The following CACNB4 variants were observed in gnomAD, a reference collection of about 807,000 sequenced individuals.
The protein encoded by CACNB4 is calcium voltage-gated channel auxiliary subunit beta 4.
A neutral mutation model predicts 71.2 loss-of-function variants in CACNB4; 32 were observed. The ratio of observed to expected loss-of-function variants is 0.45; its 90% CI spans 0.34 to 0.60. The LOEUF (loss-of-function observed/expected upper bound fraction) is 0.60. CACNB4 is among the 20% of genes least tolerant of loss of function. CACNB4 has a pLI of 0.01. For missense variants in CACNB4, 464 were observed against 647.9 expected, an observed-to-expected ratio of 0.72 and a Z score of 3.08; for synonymous variants, 231 against 236.9, an observed-to-expected ratio of 0.97 and a Z score of 0.23.
intron 2 of CACNB4, chr2:151,884,033 G>A (rs1019069142): frequency 6.4e-6 from 1 of 155,086 alleles, no homozygotes; most frequent in African/African-American, 2.4e-5. Context: ...TGGGCACGGT[G>A]GCTCACGCCT....
chr2:151,929,468 G>A (rs2099861095), intron 2 of CACNB4, among the ~76,000 whole-genome samples: 2 of 152,058 alleles, frequency 1.3e-5, no homozygotes, highest in African/African-American at 4.8e-5. Context: ...CCCACAAATG[G>A]GTTATAACCT....
chr2:152,014,541 G>T (rs1355303798), intron 2 of CACNB4, among the ~76,000 whole-genome samples: 2 of 151,918 alleles, frequency 1.3e-5, no homozygotes, highest in African/African-American at 4.8e-5. Context: ...GACCAGCCTG[G>T]CCAACATGGT....
intron 3 of CACNB4, 177 bp downstream of exon 3, chr2:151,883,074 C>T (rs1284267711): frequency 1.6e-6 from 1 of 617,970 alleles, no homozygotes; most frequent in Non-Finnish European, 2.8e-6. Context: ...GGAAATGCCT[C>T]TTTGGAGATG....
At chr2:151,993,407 G>A (rs977492476) in intron 2 of CACNB4, among the ~76,000 whole-genome samples, 2 of 152,102 alleles carry the variant, frequency 1.3e-5, no homozygotes, top group Non-Finnish European at 2.9e-5. Flanking sequence ...AAGGTACACA[G>A]GGCAAAGTGC....
At chr2:152,069,418 T>A (rs1445060503) in intron 2 of CACNB4, among the ~76,000 whole-genome samples, 1 of 151,664 alleles carries the variant, frequency 6.6e-6, no homozygotes, top group Admixed American at 6.6e-5. Flanking sequence ...GCAGCAGAAG[T>A]GGCAGTGATA....
At chr2:151,905,718 G>T (rs1179670282) in intron 2 of CACNB4, among the ~76,000 whole-genome samples, 1 of 152,236 alleles carries the variant, frequency 6.6e-6, no homozygotes, top group African/African-American at 2.4e-5. Flanking sequence ...GCAAGGGAAA[G>T]ATGACCAGCG....
intron 2 of CACNB4, among the ~76,000 whole-genome samples, chr2:151,939,123 A>G (rs940005372): frequency 6.6e-6 from 1 of 152,188 alleles, no homozygotes; most frequent in South Asian, 2.1e-4. Flanking sequence ...AGTCAGCAGC[A>G]CCCACAGTGC....
chr2:151,899,254 A>G (rs1012483187), intron 2 of CACNB4, among the ~76,000 whole-genome samples: 3 of 152,220 alleles, frequency 2.0e-5, no homozygotes, highest in African/African-American at 7.2e-5. Flanking sequence ...ATGCAGACAC[A>G]AAGACCAAGA....
chr2:151,965,785 T>C (rs1431609793), intron 2 of CACNB4, among the ~76,000 whole-genome samples: 3 of 152,130 alleles, frequency 2.0e-5, no homozygotes, highest in Admixed American at 6.6e-5. Flanking sequence ...CTCAAATCAC[T>C]GTGGGCTGGA....
chr2:151,971,823 T>C (rs1418001420), intron 2 of CACNB4: 1 of 540,456 alleles, frequency 1.9e-6, no homozygotes, highest in Admixed American at 3.1e-5. Context: ...AAGCCTCCCA[T>C]ACTCTCAACT....
chr2:151,906,325 T>C (rs1484812741), intron 2 of CACNB4, among the ~76,000 whole-genome samples: 1 of 152,232 alleles, frequency 6.6e-6, no homozygotes, highest in African/African-American at 2.4e-5. Context: ...GGTTGCCCTA[T>C]GAGTAAAAGC....
chr2:152,065,766 T>A (rs552569938), intron 2 of CACNB4, among the ~76,000 whole-genome samples: 13 of 152,280 alleles, frequency 8.5e-5, no homozygotes, highest in African/African-American at 3.1e-4. Context: ...GTAATTTTTT[T>A]AAGATGGGTT....
At chr2:151,952,051 T>C (rs976445735) in intron 2 of CACNB4, among the ~76,000 whole-genome samples, 1 of 152,198 alleles carries the variant, frequency 6.6e-6, no homozygotes, top group Non-Finnish European at 1.5e-5. Context: ...TAATAACACC[T>C]ACCTCAACTA....
chr2:152,086,762 A>AC (rs1289613254), intron 2 of CACNB4, among the ~76,000 whole-genome samples: 1 of 151,924 alleles, frequency 6.6e-6, no homozygotes, highest in Non-Finnish European at 1.5e-5. Flanking sequence ...TATAAAAACC[A>AC]CCCCCCTCTA....
chr2:152,001,812 G>T (rs1045195579), intron 2 of CACNB4, among the ~76,000 whole-genome samples: 27 of 152,146 alleles, frequency 1.8e-4, no homozygotes, highest in Admixed American at 1.6e-3. Flanking sequence ...AAGGAGCTTA[G>T]GAAAGCTGGC....
At chr2:151,875,801 A>ACC (rs577642933) in intron 5 of CACNB4, among the ~76,000 whole-genome samples, 1 of 71,304 alleles carries the variant, frequency 1.4e-5, no homozygotes, top group African/African-American at 6.8e-5. Flanking sequence ...CAGGGGGCTG[A>ACC]CCCCCCACCT....
intron 2 of CACNB4, among the ~76,000 whole-genome samples, chr2:152,052,082 C>T (rs909215741): frequency 1.3e-5 from 2 of 151,960 alleles, no homozygotes; most frequent in African/African-American, 4.8e-5. Context: ...GGGGTTACAT[C>T]CCATTGAAAA....
intron 2 of CACNB4, among the ~76,000 whole-genome samples, chr2:151,905,445 T>C (rs1385909648): frequency 6.6e-6 from 1 of 152,172 alleles, no homozygotes; most frequent in Non-Finnish European, 1.5e-5. Context: ...ATTCATAAAC[T>C]TAAGAACGAG....
At chr2:152,052,908 G>C (rs1046793844) in intron 2 of CACNB4, among the ~76,000 whole-genome samples, 1 of 151,934 alleles carries the variant, frequency 6.6e-6, no homozygotes, top group Non-Finnish European at 1.5e-5. Flanking sequence ...CTTGAACCCG[G>C]GAGATGGAGG....
Sources: gnomAD v4.1 joint callset for allele counts (sites outside exome capture counted in the v4.1 genomes callset) on GRCh38, gnomAD v4.1.1 for gene constraint, MANE v1.5 for transcripts, NCBI Gene and HGNC (gene_info 2026-07-23, HGNC 2026-07-21) for gene names.